Variants in KLF8 observed in about 807,000 individuals in gnomAD.
KLF8 encodes the protein Krueppel-like factor 8.
In KLF8, 10 loss-of-function variants were observed where a neutral mutation model predicts 18.2. The ratio of observed to expected loss-of-function variants is 0.55; its 90% CI spans 0.34 to 0.93. The LOEUF is 0.93. Ranked by LOEUF, KLF8 falls within the 40% of genes least tolerant of loss-of-function variation. The pLI is 0.02. For synonymous variants in KLF8, 109 were observed against 97.3 expected (o/e 1.12, Z -0.71); for missense variants, 264 against 277.9 (o/e 0.95, Z 0.36).
the KLF8 span, among the ~76,000 whole-genome samples, chrX:56,068,663 C>G: frequency 9.0e-6 from 1 of 111,716 alleles, no homozygotes; most frequent in Non-Finnish European, 1.9e-5. Context: ...TTCCTGTTGT[C>G]CCAGGAAACA....
chrX:56,256,683 G>A (rs1370309599), intron 2 of KLF8, among the ~76,000 whole-genome samples: 1 of 111,661 alleles, frequency 9.0e-6, no homozygotes, highest in East Asian at 2.8e-4. Context: ...TGGTCATTCA[G>A]GAGCAATTTT....
the KLF8 span, among the ~76,000 whole-genome samples, chrX:56,022,551 CAA>C: frequency 3.3e-4 from 9 of 27,299 alleles, no homozygotes; most frequent in Admixed American, 4.1e-4. Context: ...TCTGTCTGAC[CAA>C]AAAAAAAAAA....
At chrX:56,280,286 T>C (rs978353553) in intron 5 of KLF8, among the ~76,000 whole-genome samples, 1 of 111,686 alleles carries the variant, frequency 9.0e-6, no homozygotes, top group Admixed American at 9.5e-5. Context: ...AATGCTGGAG[T>C]GCAGTAGCAC....
the KLF8 span, among the ~76,000 whole-genome samples, chrX:56,042,741 G>A: frequency 1.8e-5 from 2 of 111,579 alleles, no homozygotes; most frequent in Admixed American, 9.5e-5. Flanking sequence ...GTTTTTGCCT[G>A]AGAGGGGTCT....
the KLF8 span, among the ~76,000 whole-genome samples, chrX:55,926,619 G>T: frequency 9.0e-6 from 1 of 110,684 alleles, no homozygotes; most frequent in South Asian, 3.8e-4. Context: ...TCAGGCCCTA[G>T]GGTATTTTAA....
the KLF8 span, among the ~76,000 whole-genome samples, chrX:56,198,706 C>A: frequency 8.9e-6 from 1 of 111,896 alleles, no homozygotes; most frequent in Non-Finnish European, 1.9e-5. Context: ...ATCAAGCTAC[C>A]AAGGACTTTC....
rs1162285560 is a variant in KLF8 at position 56,289,010 on chromosome X, G to T, written c.*4516G>T. ...ATGCTTCTGGAGTGGTAAGTTATAT[G>T]CCACACCCTTCAGAGCATGTATCTT... On this transcript the variant is annotated 3_prime_UTR_variant, in exon 6 of 6. Coordinates refer to ENST00000468660, the MANE Select transcript of KLF8 (RefSeq NM_007250.5). Among the ~76,000 whole-genome samples the T allele has an allele frequency of 8.9e-6, 1 of 111,899 alleles. No homozygotes were observed. Among genetic ancestry groups the T allele is most frequent in the Non-Finnish European group, 1.9e-5 (1 of 53,216 alleles).
chrX:56,161,715 A>G, the KLF8 span, among the ~76,000 whole-genome samples: 36 of 110,971 alleles, frequency 3.2e-4, 1 homozygote, highest in African/African-American at 1.1e-3. Flanking sequence ...ATGGGTTTGA[A>G]CTTCCTCCTT....
the KLF8 span, among the ~76,000 whole-genome samples, chrX:55,946,115 T>C: frequency 5.4e-5 from 6 of 111,641 alleles, no homozygotes; most frequent in African/African-American, 1.3e-4. Context: ...TTACTTTCTT[T>C]ACAGAATTGG....
chrX:55,949,663 C>T, the KLF8 span, among the ~76,000 whole-genome samples: 1 of 108,938 alleles, frequency 9.2e-6, no homozygotes, highest in Admixed American at 9.9e-5. Flanking sequence ...TGGTGGTGGG[C>T]GCCTGTAGTC....
chrX:56,223,410 C>A, the KLF8 span, among the ~76,000 whole-genome samples: 1 of 112,409 alleles, frequency 8.9e-6, no homozygotes, highest in African/African-American at 3.2e-5. Flanking sequence ...TAACTTACTA[C>A]AATCTAACCT....
chrX:56,001,433 A>C, the KLF8 span, among the ~76,000 whole-genome samples: 1 of 111,944 alleles, frequency 8.9e-6, no homozygotes, highest in Non-Finnish European at 1.9e-5. Flanking sequence ...ACTATGCTTT[A>C]GACCCTACTC....
At chrX:55,936,985 G>A in the KLF8 span, among the ~76,000 whole-genome samples, 3 of 112,064 alleles carry the variant, frequency 2.7e-5, no homozygotes, top group South Asian at 1.1e-3. Flanking sequence ...AGTAACCTTT[G>A]CAGACTTAAA....
the KLF8 span, among the ~76,000 whole-genome samples, chrX:56,115,912 G>C: frequency 8.9e-6 from 1 of 112,240 alleles, no homozygotes; most frequent in Admixed American, 9.4e-5. Flanking sequence ...ATAAAGAGAA[G>C]AGTTAGGCTT....
the KLF8 span, among the ~76,000 whole-genome samples, chrX:56,183,603 C>T: frequency 9.0e-6 from 1 of 110,819 alleles, no homozygotes; most frequent in South Asian, 3.8e-4. Flanking sequence ...GGAACCCTCC[C>T]ACAATATAGT....
At chrX:56,027,242 G>T in the KLF8 span, among the ~76,000 whole-genome samples, 2 of 111,732 alleles carry the variant, frequency 1.8e-5, no homozygotes, top group African/African-American at 6.5e-5. Flanking sequence ...GGAGTAGGGG[G>T]GCTGTGACTG....
chrX:56,160,700 T>G, the KLF8 span, among the ~76,000 whole-genome samples: 1 of 111,623 alleles, frequency 9.0e-6, no homozygotes, highest in South Asian at 3.7e-4. Context: ...TATCAGAGAC[T>G]AGGATTGCAA....
the KLF8 span, among the ~76,000 whole-genome samples, chrX:56,205,234 G>A: frequency 9.0e-6 from 1 of 111,203 alleles, no homozygotes; most frequent in East Asian, 2.8e-4. Context: ...TTCTTAAGAA[G>A]CAACCATTTC....
At chrX:55,965,967 G>T in the KLF8 span, among the ~76,000 whole-genome samples, 1 of 111,943 alleles carries the variant, frequency 8.9e-6, no homozygotes, top group East Asian at 2.8e-4. Flanking sequence ...AAGAACATTT[G>T]GGCCTTAAGT....
Sources: gnomAD v4.1 joint callset for allele counts (sites outside exome capture counted in the v4.1 genomes callset) on GRCh38, gnomAD v4.1.1 for gene constraint, MANE v1.5 for transcripts, NCBI Gene and HGNC (gene_info 2026-07-23, HGNC 2026-07-21) for gene names.